IPO7: variants seen among roughly 807,000 people sequenced by gnomAD.
IPO7 encodes the protein importin 7, also known as importin-7.
Under a neutral mutation model 136.4 loss-of-function variants are expected in IPO7, and 13 were observed. That is an observed-to-expected ratio of 0.10 (90% CI 0.06 to 0.15). The LOEUF (loss-of-function observed/expected upper bound fraction) is 0.15, where lower values mean the gene tolerates loss of function less well. Ranked by LOEUF, IPO7 falls within the 10% of genes least tolerant of loss-of-function variation. IPO7 has a pLI of 1.00. For missense variants in IPO7, 857 were observed against 1,240.6 expected, an observed-to-expected ratio of 0.69 and a Z score of 4.65; for synonymous variants, 403 against 404.4, an observed-to-expected ratio of 1.00 and a Z score of 0.04.
At chr11:9,396,954 TG>T (rs1412400765) in intron 1 of IPO7, among the ~76,000 whole-genome samples, 1 of 152,062 alleles carries the variant, frequency 6.6e-6, no homozygotes, top group East Asian at 1.9e-4. Context: ...CCAAGAGACA[TG>T]TAACATTTTC....
At chr11:9,403,513 A>G (rs923580869) in intron 2 of IPO7, 142 bp downstream of exon 2, 2 of 595,978 alleles carry the variant, frequency 3.4e-6, no homozygotes, top group Non-Finnish European at 5.9e-6. Context: ...TACAGCTAAC[A>G]TCAGGTACCT....
At chr11:9,443,939 C>T (rs1168699293) in intron 24 of IPO7, among the ~76,000 whole-genome samples, 3 of 151,022 alleles carry the variant, frequency 2.0e-5, no homozygotes, top group African/African-American at 7.3e-5. Flanking sequence ...AGCTCCCAGA[C>T]ATATCTTTTC....
rs1439032817 is a variant in IPO7 at position 9,438,068 on chromosome 11, T to G, written c.2490-12T>G. The G allele has an allele frequency of 2.7e-6, 4 of 1,458,770 alleles. No individual in the cohort carries two copies. The highest frequency in any genetic ancestry group is 1.5e-5 in the African/African-American group (1 of 64,762). The allele number at this position is 1,458,770 out of a possible 1,614,324, so 90.4% of individuals were successfully genotyped here. ...CAGTTTTTTTTTTTTTTTTTTTTTTTTTTTTTTTTAGGCTTCATGACAGAA... is the reference window on the plus strand; with the variant it reads ...CAGTTTTTTTTTTTTTTTTTTTTTTGTTTTTTTTTAGGCTTCATGACAGAA... On this transcript the variant is annotated splice_polypyrimidine_tract_variant and intron_variant, in intron 21 of 24. Coordinates refer to ENST00000379719, the MANE Select transcript of IPO7 (RefSeq NM_006391.3).
chr11:9,401,855 T>C (rs1564993311), intron 1 of IPO7, among the ~76,000 whole-genome samples: 2 of 152,204 alleles, frequency 1.3e-5, no homozygotes, highest in Non-Finnish European at 2.9e-5. Flanking sequence ...CTGAGCACTC[T>C]TGTATAAAAC....
chr11:9,405,471 G>A (rs534417740), intron 2 of IPO7, among the ~76,000 whole-genome samples: 3 of 152,194 alleles, frequency 2.0e-5, no homozygotes, highest in South Asian at 2.1e-4. Flanking sequence ...CACCGCCCCC[G>A]GCCCTCAGTA....
chr11:9,419,750 ATACAC>A (rs1855100953), intron 6 of IPO7, among the ~76,000 whole-genome samples: 1 of 151,152 alleles, frequency 6.6e-6, no homozygotes, highest in Non-Finnish European at 1.5e-5. Context: ...TAATATTCTC[ATACAC>A]AAATCGTTGC....
At chr11:9,401,403 G>C (rs1255052142) in intron 1 of IPO7, among the ~76,000 whole-genome samples, 1 of 151,898 alleles carries the variant, frequency 6.6e-6, no homozygotes, top group Non-Finnish European at 1.5e-5. Flanking sequence ...TTCTTTAAAT[G>C]AGAAGCAGGC....
intron 4 of IPO7, among the ~76,000 whole-genome samples, chr11:9,412,754 C>T (rs1055142031): frequency 6.6e-6 from 1 of 152,040 alleles, no homozygotes; most frequent in Non-Finnish European, 1.5e-5. Context: ...ATAGCTTGAG[C>T]CTGGAAGGTT....
At chr11:9,397,638 G>T (rs1044489210) in intron 1 of IPO7, among the ~76,000 whole-genome samples, 2 of 151,702 alleles carry the variant, frequency 1.3e-5, no homozygotes, top group African/African-American at 4.8e-5. Context: ...TCAGTGTTGG[G>T]ATCTCAAGAG....
At chr11:9,411,542 G>A (rs564219167) in intron 4 of IPO7, among the ~76,000 whole-genome samples, 1 of 152,290 alleles carries the variant, frequency 6.6e-6, no homozygotes, top group East Asian at 1.9e-4. Flanking sequence ...GAGAGGTTGG[G>A]AATAGTTTTG....
chr11:9,411,158 T>A (rs1184797757), intron 4 of IPO7, among the ~76,000 whole-genome samples: 1 of 152,170 alleles, frequency 6.6e-6, no homozygotes, highest in Non-Finnish European at 1.5e-5. Context: ...TTCAAGGCCC[T>A]CCTGTCCCAT....
chr11:9,392,171 CTTTTTTTTTTTTT>C (rs59866244), intron 1 of IPO7: 4 of 185,118 alleles, frequency 2.2e-5, no homozygotes, highest in Admixed American at 1.8e-4. Context: ...TTGTCAAATT[CTTTTTTTTTTTTT>C]TTTTTTTTTT....
At chr11:9,441,235 A>G (rs1261684215) in intron 23 of IPO7, among the ~76,000 whole-genome samples, 1 of 152,180 alleles carries the variant, frequency 6.6e-6, no homozygotes, top group Non-Finnish European at 1.5e-5. Context: ...TTCTGGAGCC[A>G]CGTACACTGT....
chr11:9,425,895 A>T (rs1272212169), intron 12 of IPO7, among the ~76,000 whole-genome samples: 1 of 151,078 alleles, frequency 6.6e-6, no homozygotes, highest in Non-Finnish European at 1.5e-5. Flanking sequence ...AAAAAAAAAA[A>T]ATCAGCTGGG....
chr11:9,406,076 G>A (rs951536545), intron 2 of IPO7, among the ~76,000 whole-genome samples: 4 of 141,976 alleles, frequency 2.8e-5, no homozygotes, highest in African/African-American at 1.0e-4. Context: ...TTGTAGAGAT[G>A]GAATCTCACT....
chr11:9,447,501 CATGT>C lies in IPO7; in HGVS notation c.*2310_*2313del, dbSNP rs1855545083. On this transcript the variant is annotated 3_prime_UTR_variant, in exon 25 of 25. Coordinates refer to ENST00000379719, the MANE Select transcript of IPO7 (RefSeq NM_006391.3). Reference sequence around the variant, plus strand: ...ATTTGGTATAGATCAAGAATCTTAACATGTATCAGTTTCTAGATGAGGCTGCAGG... The same window carrying C: ...ATTTGGTATAGATCAAGAATCTTAACATCAGTTTCTAGATGAGGCTGCAGG... 6.6e-6 allele frequency: 1 copy of C among 152,098 alleles called. No individual in the cohort carries two copies. The highest frequency in any genetic ancestry group is 2.4e-5 in the African/African-American group (1 of 41,424). 9.4% of individuals were successfully genotyped at this position (152,098 alleles called of 1,614,324 possible).
At chr11:9,404,319 G>T (rs1854844032) in intron 2 of IPO7, among the ~76,000 whole-genome samples, 1 of 151,626 alleles carries the variant, frequency 6.6e-6, no homozygotes, top group African/African-American at 2.4e-5. Flanking sequence ...CAAAGAATTA[G>T]CCGGGCGTGG....
intron 20 of IPO7, among the ~76,000 whole-genome samples, chr11:9,437,533 C>T (rs1040094232): frequency 1.3e-5 from 2 of 152,212 alleles, no homozygotes; most frequent in Non-Finnish European, 2.9e-5. Context: ...GGATTACAGG[C>T]GTGAGCCACC....
intron 10 of IPO7, among the ~76,000 whole-genome samples, chr11:9,424,600 C>T (rs1186456954): frequency 3.9e-5 from 6 of 151,952 alleles, no homozygotes; most frequent in South Asian, 2.1e-4. Context: ...AAAAATTAGC[C>T]GGGCGTGGTG....
Sources: allele counts gnomAD v4.1 joint callset (sites outside exome capture counted in the v4.1 genomes callset), GRCh38; gene constraint gnomAD v4.1.1; transcripts MANE v1.5; gene names NCBI Gene and HGNC (gene_info 2026-07-23, HGNC 2026-07-21).